VAV2: variants seen among roughly 807,000 people sequenced by gnomAD.
VAV2 encodes vav guanine nucleotide exchange factor 2.
Under a neutral mutation model 132.5 loss-of-function variants are expected in VAV2, and 67 were observed. That is an observed-to-expected ratio of 0.51 (90% CI 0.42 to 0.62). The LOEUF (loss-of-function observed/expected upper bound fraction) is 0.62. VAV2 is among the 20% of genes least tolerant of loss of function. VAV2 has a pLI of 0.00. For synonymous variants in VAV2, 492 were observed against 443.5 expected, an observed-to-expected ratio of 1.11 and a Z score of -1.37; for missense variants, 938 against 1,153.6, an observed-to-expected ratio of 0.81 and a Z score of 2.71.
At chr9:133,889,415 G>A (rs532014922) in intron 2 of VAV2, among the ~76,000 whole-genome samples, 5 of 152,326 alleles carry the variant, frequency 3.3e-5, no homozygotes, top group East Asian at 1.9e-4. Context: ...AGGGGTGGGG[G>A]AAGGCGGCCA....
chr9:133,939,803 A>AC (rs1055763380), intron 1 of VAV2, among the ~76,000 whole-genome samples: 4 of 152,182 alleles, frequency 2.6e-5, no homozygotes, highest in African/African-American at 9.7e-5. Context: ...GCCAGGGGCC[A>AC]CCCCCAAGAA....
At chr9:133,781,786 A>G (rs1017995856) in intron 19 of VAV2, among the ~76,000 whole-genome samples, 1 of 152,156 alleles carries the variant, frequency 6.6e-6, no homozygotes, top group South Asian at 2.1e-4. Flanking sequence ...AGGGATGAGG[A>G]GGGGGGCAAG....
At chr9:133,925,383 A>AT (rs1660899421) in intron 2 of VAV2, among the ~76,000 whole-genome samples, 1 of 151,952 alleles carries the variant, frequency 6.6e-6, no homozygotes, top group African/African-American at 2.4e-5. Context: ...CATCCTGCTA[A>AT]TTTTTTGTAT....
Position 133,940,295 on chromosome 9 carries a change from C to G in VAV2, c.205-1076G>C, listed in dbSNP as rs1841090776. On this transcript the variant is annotated intron_variant, in intron 1 of 29. Coordinates refer to ENST00000371850, the MANE Select transcript of VAV2 (RefSeq NM_001134398.2). ...TCGCGAGGGGAGGGTGTGGCACACA[C>G]AGCCCAATAAGAGCCCAGGATTGTC... Among the ~76,000 whole-genome samples, 3 of 152,196 alleles carry G rather than the reference C, an allele frequency of 2.0e-5. No individual in the cohort carries two copies. In the South Asian group the frequency reaches 6.2e-4, roughly 31 times the overall value.
intron 7 of VAV2, among the ~76,000 whole-genome samples, chr9:133,808,677 C>T (rs1588205641): frequency 2.0e-5 from 3 of 152,222 alleles, no homozygotes; most frequent in South Asian, 2.1e-4. Context: ...GATGGGGAGG[C>T]TGAGTGTGGA....
At chr9:133,913,309 C>T (rs1394372575) in intron 2 of VAV2, among the ~76,000 whole-genome samples, 1 of 152,214 alleles carries the variant, frequency 6.6e-6, no homozygotes, top group Non-Finnish European at 1.5e-5. Flanking sequence ...GGGAGACACA[C>T]ACGAAAGGTA....
At position 133,780,674 on chromosome 9, in the gene VAV2, G is replaced by A. The variant is rs1046098393; in HGVS notation, c.1740+20C>T. ...TGGCGGGGGTGGGGCAGAGGGAGGG[G>A]AAACACTCTGGGGACTTACCAGATC... On this transcript the variant is annotated intron_variant, in intron 20 of 29. Coordinates refer to ENST00000371850, the MANE Select transcript of VAV2 (RefSeq NM_001134398.2). The A allele has an allele frequency of 7.8e-7, 1 of 1,288,312 alleles. No homozygotes were observed. Among genetic ancestry groups the A allele is most frequent in the Non-Finnish European group, 9.9e-7 (1 of 1,010,660 alleles). 79.8% of individuals were successfully genotyped at this position (1,288,312 alleles called of 1,614,324 possible).
chr9:133,771,934 C>A (rs370959712), intron 26 of VAV2, 25 bp downstream of exon 26: 218 of 1,610,570 alleles, frequency 1.4e-4, no homozygotes, highest in Non-Finnish European at 1.8e-4. Context: ...GGGGTGGGAG[C>A]CGGCCGGAGC....
intron 1 of VAV2, among the ~76,000 whole-genome samples, chr9:133,953,742 C>G (rs1004230046): frequency 2.6e-5 from 4 of 152,136 alleles, no homozygotes; most frequent in Admixed American, 2.6e-4. Flanking sequence ...AGGTTCAAAT[C>G]CTGAAGGTCC....
At chr9:133,774,263 G>A (rs1268458364) in intron 25 of VAV2, among the ~76,000 whole-genome samples, 1 of 152,204 alleles carries the variant, frequency 6.6e-6, no homozygotes, top group Non-Finnish European at 1.5e-5. Flanking sequence ...TGTGCACCAT[G>A]AGTGTGTGCG....
intron 4 of VAV2, among the ~76,000 whole-genome samples, chr9:133,817,817 C>T (rs1378041398): frequency 1.3e-5 from 2 of 152,096 alleles, no homozygotes; most frequent in Non-Finnish European, 2.9e-5. Flanking sequence ...TCTTCATCCG[C>T]TCATTCATTT....
At chr9:133,909,256 G>T (rs564023819) in intron 2 of VAV2, among the ~76,000 whole-genome samples, 3 of 152,146 alleles carry the variant, frequency 2.0e-5, no homozygotes, top group Non-Finnish European at 4.4e-5. Context: ...CTCCTCAGAA[G>T]GGGGGTGAAG....
At chr9:133,838,459 GTGGGTGGGTGGGTGGGTGGA>G (rs1365842521) in intron 3 of VAV2, among the ~76,000 whole-genome samples, 1 of 101,112 alleles carries the variant, frequency 9.9e-6, no homozygotes, top group African/African-American at 5.1e-5. Flanking sequence ...GGGTAAGTAG[GTGGGTGGGTGGGTGGGTGGA>G]TGGGTGGATG....
chr9:133,953,423 T>C (rs564553454), intron 1 of VAV2, among the ~76,000 whole-genome samples: 2 of 152,370 alleles, frequency 1.3e-5, no homozygotes, highest in East Asian at 3.9e-4. Context: ...TTCCACCCTT[T>C]GTTCCCGTTC....
chr9:133,807,222 G>A (rs778396524), intron 8 of VAV2, 36 bp downstream of exon 8: 14 of 1,598,292 alleles, frequency 8.8e-6, no homozygotes, highest in African/African-American at 4.0e-5. Context: ...TTAGGGCCCC[G>A]AGCCTGGCAT....
At chr9:133,951,363 G>T (rs1368927377) in intron 1 of VAV2, among the ~76,000 whole-genome samples, 1 of 152,184 alleles carries the variant, frequency 6.6e-6, no homozygotes, top group Non-Finnish European at 1.5e-5. Flanking sequence ...AGGGACTGTG[G>T]GGCTTTCAGC....
intron 2 of VAV2, among the ~76,000 whole-genome samples, chr9:133,925,164 G>A (rs550918429): frequency 6.6e-6 from 1 of 152,354 alleles, no homozygotes; most frequent in South Asian, 2.1e-4. Flanking sequence ...GTTCGATGCT[G>A]CTGAAATGCA....
chr9:133,936,578 G>C (rs1840918474), intron 2 of VAV2, among the ~76,000 whole-genome samples: 1 of 152,094 alleles, frequency 6.6e-6, no homozygotes, highest in Non-Finnish European at 1.5e-5. Flanking sequence ...ATAGTGGAGA[G>C]AAAAACAGTA....
intron 4 of VAV2, among the ~76,000 whole-genome samples, chr9:133,816,803 C>T (rs890795901): frequency 6.6e-6 from 1 of 152,192 alleles, no homozygotes; most frequent in Non-Finnish European, 1.5e-5. Context: ...ACCAATTGAC[C>T]AAATAAGGGT....
Sources: allele counts gnomAD v4.1 joint callset (sites outside exome capture counted in the v4.1 genomes callset), GRCh38; gene constraint gnomAD v4.1.1; transcripts MANE v1.5; gene names NCBI Gene and HGNC (gene_info 2026-07-23, HGNC 2026-07-21).